The following SCAPER variants were observed in gnomAD, a reference collection of about 807,000 sequenced individuals.
SCAPER encodes S-phase cyclin A associated protein in the ER.
SCAPER carries 98 observed loss-of-function variants against 182.2 expected under a neutral mutation model. That is an observed-to-expected ratio of 0.54 (90% CI 0.46 to 0.64). SCAPER has a LOEUF of 0.64. SCAPER is among the 30% of genes least tolerant of loss of function. The pLI, the probability that SCAPER is intolerant of heterozygous loss-of-function variation, is 0.00. For synonymous variants in SCAPER, 605 were observed against 564.6 expected (o/e 1.07, Z -1.01); for missense variants, 1,432 against 1,690.0 (o/e 0.85, Z 2.68).
chr15:76,426,297 C>G (rs2046422245), intron 26 of SCAPER, among the ~76,000 whole-genome samples: 1 of 152,190 alleles, frequency 6.6e-6, no homozygotes, highest in Admixed American at 6.5e-5. Context: ...CCTACTCAAG[C>G]CTCAGCAATG....
intron 28 of SCAPER, chr15:76,380,146 T>C (rs2042857501): frequency 6.6e-6 from 1 of 152,170 alleles, no homozygotes; most frequent in East Asian, 1.9e-4. Flanking sequence ...CCAGACAGAA[T>C]ACGGTGGGCT....
chr15:76,865,544 G>A (rs887041273), intron 2 of SCAPER, among the ~76,000 whole-genome samples: 2 of 152,058 alleles, frequency 1.3e-5, no homozygotes, highest in Non-Finnish European at 2.9e-5. Flanking sequence ...AAACAGAATG[G>A]ATTTTTAAGA....
At chr15:76,710,765 A>T (rs894138234) in intron 17 of SCAPER, among the ~76,000 whole-genome samples, 1 of 152,190 alleles carries the variant, frequency 6.6e-6, no homozygotes, top group African/African-American at 2.4e-5. Context: ...AGCTGAACCT[A>T]AAATTTATAT....
intron 24 of SCAPER, among the ~76,000 whole-genome samples, chr15:76,501,187 A>G (rs2041080946): frequency 6.6e-6 from 1 of 152,162 alleles, no homozygotes; most frequent in African/African-American, 2.4e-5. Context: ...TTGTAATAAC[A>G]CATCCTGACC....
At chr15:76,900,070 G>C (rs1041493617) in intron 1 of SCAPER, among the ~76,000 whole-genome samples, 8 of 152,154 alleles carry the variant, frequency 5.3e-5, no homozygotes, top group Non-Finnish European at 1.2e-4. Context: ...AACATGTGCT[G>C]TGTCAACTCA....
chr15:76,452,375 C>G (rs1420821189), intron 25 of SCAPER, among the ~76,000 whole-genome samples: 1 of 152,234 alleles, frequency 6.6e-6, no homozygotes, highest in Non-Finnish European at 1.5e-5. Context: ...CACCTGGCTA[C>G]TGGGATTGCC....
At chr15:76,654,386 T>C (rs927793749) in intron 21 of SCAPER, among the ~76,000 whole-genome samples, 9 of 152,044 alleles carry the variant, frequency 5.9e-5, no homozygotes, top group Admixed American at 6.5e-5. Flanking sequence ...CCAGCCTGGG[T>C]GACAGAGCGA....
chr15:76,872,661 A>G (rs1482483489), intron 2 of SCAPER, among the ~76,000 whole-genome samples: 4 of 151,688 alleles, frequency 2.6e-5, no homozygotes, highest in African/African-American at 9.7e-5. Context: ...CTACTATTAT[A>G]CTACATTATG....
intron 23 of SCAPER, among the ~76,000 whole-genome samples, chr15:76,511,839 A>ATGTGTG (rs769062491): frequency 0.012 from 507 of 42,252 alleles, 13 homozygotes; most frequent in Admixed American, 0.093. Context: ...TTATATATAT[A>ATGTGTG]TATATGTGTG....
At chr15:76,660,992 A>G (rs74026036) in intron 21 of SCAPER, among the ~76,000 whole-genome samples, 12 of 152,154 alleles carry the variant, frequency 7.9e-5, no homozygotes, top group African/African-American at 2.2e-4. Context: ...ACACTTATAC[A>G]CTAAAAATCA....
intron 5 of SCAPER, among the ~76,000 whole-genome samples, chr15:76,817,882 G>C (rs1568236438): frequency 6.6e-6 from 1 of 152,184 alleles, no homozygotes; most frequent in Non-Finnish European, 1.5e-5. Flanking sequence ...TTGTCAAAAT[G>C]TCAATCAGTT....
At chr15:76,796,128 G>C (rs903927073) in intron 7 of SCAPER, among the ~76,000 whole-genome samples, 2 of 152,144 alleles carry the variant, frequency 1.3e-5, no homozygotes, top group South Asian at 4.1e-4. Context: ...ACTACTAAAA[G>C]AGGCTTTTTC....
rs554250708 is a variant in SCAPER, at chr15:76,439,859, G to C, written c.3079-5549C>G. On this transcript the variant is annotated intron_variant, in intron 25 of 31. Transcript: ENST00000563290. ...GAGCTATGTAGCTTTTGGTCCTTCT[G>C]AATCTCTCACCCCTCAGGCAGAAAT... Among the ~76,000 whole-genome samples the C allele has an allele frequency of 9.2e-5, 14 of 152,326 alleles. No homozygotes were observed. In the South Asian group the frequency reaches 1.9e-3, roughly 20 times the overall value.
At chr15:76,563,669 G>A (rs2046817245) in intron 23 of SCAPER, among the ~76,000 whole-genome samples, 2 of 152,244 alleles carry the variant, frequency 1.3e-5, no homozygotes, top group South Asian at 4.2e-4. Flanking sequence ...CATTCTATGA[G>A]GTCAGCATTA....
At chr15:76,859,358 A>T (rs1466729273) in intron 3 of SCAPER, among the ~76,000 whole-genome samples, 2 of 152,240 alleles carry the variant, frequency 1.3e-5, no homozygotes, top group African/African-American at 2.4e-5. Flanking sequence ...TATAAAAAAC[A>T]ATCTACCAGC....
At chr15:76,384,829 T>C (rs375447841) in intron 27 of SCAPER, among the ~76,000 whole-genome samples, 1 of 152,220 alleles carries the variant, frequency 6.6e-6, no homozygotes, top group African/African-American at 2.4e-5. Flanking sequence ...AATTTGTCCA[T>C]GAACAGGCCA....
At chr15:76,558,912 C>A (rs574865047) in intron 23 of SCAPER, among the ~76,000 whole-genome samples, 2 of 152,182 alleles carry the variant, frequency 1.3e-5, no homozygotes, top group Non-Finnish European at 2.9e-5. Flanking sequence ...CCACCCAAAT[C>A]TCATCTTGAA....
At chr15:76,814,175 A>AG (rs960191195) in intron 5 of SCAPER, among the ~76,000 whole-genome samples, 1 of 152,248 alleles carries the variant, frequency 6.6e-6, no homozygotes, top group African/African-American at 2.4e-5. Flanking sequence ...CTCAAAAAAA[A>AG]AAATTCATAC....
intron 2 of SCAPER, among the ~76,000 whole-genome samples, chr15:76,881,331 A>C (rs1285072924): frequency 6.6e-6 from 1 of 152,200 alleles, no homozygotes; most frequent in Non-Finnish European, 1.5e-5. Flanking sequence ...CCTGACCTCA[A>C]GTGAGCCAAC....
Sources: allele counts gnomAD v4.1 joint callset (sites outside exome capture counted in the v4.1 genomes callset), GRCh38; gene constraint gnomAD v4.1.1; transcripts MANE v1.5; gene names NCBI Gene and HGNC (gene_info 2026-07-23, HGNC 2026-07-21).